Variants in FLACC1 observed in about 807,000 individuals in gnomAD.
The protein encoded by FLACC1 is flagellum-associated coiled-coil domain-containing protein 1.
A neutral mutation model predicts 62.8 loss-of-function variants in FLACC1; 66 were observed. The observed-to-expected ratio is 1.05, with a 90% CI of 0.86 to 1.29. The LOEUF (loss-of-function observed/expected upper bound fraction) is 1.29, where lower values mean the gene tolerates loss of function less well. Ranked by LOEUF, FLACC1 falls within the 50% of genes most tolerant of loss-of-function variation. The pLI, the probability that FLACC1 is intolerant of heterozygous loss-of-function variation, is 0.00. For missense variants in FLACC1, 452 were observed against 489.1 expected (o/e 0.92, Z 0.71); for synonymous variants, 156 against 161.0 (o/e 0.97, Z 0.24).
intron 11 of FLACC1, among the ~76,000 whole-genome samples, chr2:201,304,411 A>G (rs1315737272): frequency 1.3e-5 from 2 of 152,156 alleles, no homozygotes; most frequent in Non-Finnish European, 1.5e-5. Flanking sequence ...ACTACAAATC[A>G]CTGCTCAACG....
At chr2:201,358,494 G>A (rs1951152454), upstream of FLACC1, among the ~76,000 whole-genome samples, 1 of 145,532 alleles carries the variant, frequency 6.9e-6, no homozygotes, top group South Asian at 2.2e-4. Flanking sequence ...TCGGCTCACT[G>A]CAAGCTCCGC....
chr2:201,294,755 T>C (rs928585261), intron 12 of FLACC1, among the ~76,000 whole-genome samples: 1 of 152,190 alleles, frequency 6.6e-6, no homozygotes, highest in Non-Finnish European at 1.5e-5. Context: ...GATGACATGA[T>C]TGTATATCTA....
chr2:201,360,076 G>T (rs371061644), upstream of FLACC1, among the ~76,000 whole-genome samples: 50 of 152,318 alleles, frequency 3.3e-4, no homozygotes, highest in African/African-American at 1.1e-3. Flanking sequence ...TACTACTTGG[G>T]TATCCCCATT....
At chr2:201,347,111 G>C (rs980407950) in intron 4 of FLACC1, among the ~76,000 whole-genome samples, 1 of 152,130 alleles carries the variant, frequency 6.6e-6, no homozygotes, top group African/African-American at 2.4e-5. Flanking sequence ...TTCTCAAAGG[G>C]CTTTTGTGAG....
In FLACC1 at chr2:201,301,799, G is replaced by T. The variant is rs1390345049; in HGVS notation, c.880-2499C>A. Among the ~76,000 whole-genome samples the T allele has an allele frequency of 2.6e-5, 4 of 152,174 alleles. No individual in the cohort carries two copies. In the South Asian group the frequency reaches 6.2e-4, roughly 24 times the overall value. ...CAATATTCAACATTCTTAAAGAAAA[G>T]AATTTTCAACCCAGGATTTCATATC... On this transcript the variant is annotated intron_variant, in intron 11 of 14. Transcript: ENST00000392257.
At chr2:201,339,268 CTT>C (rs1324845084) in intron 7 of FLACC1, among the ~76,000 whole-genome samples, 1 of 151,946 alleles carries the variant, frequency 6.6e-6, no homozygotes, top group African/African-American at 2.4e-5. Context: ...TGTAATGTCT[CTT>C]TTTTCATTTC....
chr2:201,330,627 A>G lies in FLACC1; in HGVS notation c.623-105T>C. On this transcript the variant is annotated intron_variant, in intron 8 of 14. Coordinates refer to ENST00000392257, the MANE Select transcript of FLACC1 (RefSeq NM_001127391.3). Reference sequence around the variant, plus strand: ...ACACCTTCCCCACCCCAAACTCATCACCAAGGTAGTAAAACCTTTGTGTGC... The same window carrying G: ...ACACCTTCCCCACCCCAAACTCATCGCCAAGGTAGTAAAACCTTTGTGTGC... The G allele has an allele frequency of 3.9e-6, 6 of 1,523,352 alleles. No individual in the cohort carries two copies. In the South Asian group the frequency reaches 4.7e-5, roughly 12 times the overall value. The allele number at this position is 1,523,352 out of a possible 1,614,324, so 94.4% of individuals were successfully genotyped here. A position where few individuals can be genotyped will look rare whatever the true frequency, so the allele number is the denominator to read the frequency against.
chr2:201,313,980 G>A (rs1267319929), intron 9 of FLACC1, among the ~76,000 whole-genome samples: 1 of 152,112 alleles, frequency 6.6e-6, no homozygotes, highest in East Asian at 1.9e-4. Flanking sequence ...CTACAGCTTG[G>A]GCTCTCAGGA....
chr2:201,322,263 CA>C (rs1246045467), intron 9 of FLACC1, among the ~76,000 whole-genome samples: 7 of 142,100 alleles, frequency 4.9e-5, no homozygotes, highest in Admixed American at 1.5e-4. Context: ...GATTCAGCCT[CA>C]AAAAAAAAAA....
chr2:201,309,654 A>G (rs2125563772), intron 9 of FLACC1, among the ~76,000 whole-genome samples: 1 of 152,162 alleles, frequency 6.6e-6, no homozygotes, highest in Non-Finnish European at 1.5e-5. Flanking sequence ...CACACCTGTA[A>G]TCCCAGCACT....
chr2:201,323,918 A>C (rs1950455504), intron 9 of FLACC1, among the ~76,000 whole-genome samples: 1 of 152,206 alleles, frequency 6.6e-6, no homozygotes, highest in Middle Eastern at 3.4e-3. Context: ...CTTAAAACTC[A>C]TGAAGTCTAT....
chr2:201,347,907 T>G (rs1201283897), intron 4 of FLACC1, among the ~76,000 whole-genome samples: 1 of 152,178 alleles, frequency 6.6e-6, no homozygotes, highest in African/African-American at 2.4e-5. Flanking sequence ...TCTCCCCAGC[T>G]TTCGTTAGTT....
At position 201,340,996 on chromosome 2, in the gene FLACC1, G is replaced by A. The variant is rs544455474; in HGVS notation, c.524+1374C>T. ...GTATTGGCACTCCTTTGTATGTGAC[G>A]TGTTTCTTACCTTCTGATGCTCTCA... On this transcript the variant is annotated intron_variant, in intron 7 of 14. Coordinates refer to ENST00000392257, the MANE Select transcript of FLACC1 (RefSeq NM_001127391.3). Among the ~76,000 whole-genome samples, 20 of 152,216 alleles carry A rather than the reference G, an allele frequency of 1.3e-4. 1 individual carries two copies. Among genetic ancestry groups the A allele is most frequent in the South Asian group, 1.0e-3 (5 of 4,826 alleles).
Position 201,350,726 on chromosome 2 carries a change from G to A in FLACC1, c.170C>T (p.Pro57Leu), listed in dbSNP as rs368063735. The change falls in exon 3 of 15, where the codon CCT becomes CTT. Residue 57 changes from proline (P) to leucine (L), a missense_variant. By Grantham distance (98) the Pro-to-Leu change is moderately conservative (BLOSUM62 -3). This residue lies in a region of FLACC1 where 147 missense variants were observed against 152.7 expected (regional missense o/e 0.96). Coordinates refer to ENST00000392257, the MANE Select transcript of FLACC1 (RefSeq NM_001127391.3). ...KNHNYLQPTK[P>L]VVSPKMKIHS... is the part of the protein sequence containing the mutation. ...CAATACTTACTTTGGGGAAACAACA[G>A]GTTTTGTTGGTTGGAGGTAATTGTG... 2 of 1,586,080 alleles carry A rather than the reference G, an allele frequency of 1.3e-6. No homozygotes were observed. Among genetic ancestry groups the A allele is most frequent in the Non-Finnish European group, 1.7e-6 (2 of 1,166,470 alleles).
At chr2:201,325,027 G>A (rs1950476615) in intron 9 of FLACC1, among the ~76,000 whole-genome samples, 1 of 152,134 alleles carries the variant, frequency 6.6e-6, no homozygotes, top group Non-Finnish European at 1.5e-5. Context: ...TCAGCTACTT[G>A]GGAGGCTGAG....
intron 12 of FLACC1, among the ~76,000 whole-genome samples, chr2:201,296,694 G>A (rs1949872365): frequency 6.6e-6 from 1 of 152,040 alleles, no homozygotes; most frequent in South Asian, 2.1e-4. Context: ...TTCTGTTTGA[G>A]GACCCAAAGG....
In FLACC1 at chr2:201,305,692, C is replaced by G. The variant is rs567701939; in HGVS notation, c.879+1827G>C. The stretch of plus-strand genomic sequence containing the variant: ...AAGACTTGGAACCAACCAAAATGTC[C>G]ATCAATGATAGACTGGATTAAGAAA... On this transcript the variant is annotated intron_variant, in intron 11 of 14. Coordinates refer to ENST00000392257, the MANE Select transcript of FLACC1 (RefSeq NM_001127391.3). Among the ~76,000 whole-genome samples, 816 of 152,258 alleles carry G rather than the reference C, an allele frequency of 5.4e-3. 9 individuals are homozygous for G. The highest frequency in any genetic ancestry group is 0.018 in the African/African-American group (752 of 41,530).
intron 7 of FLACC1, among the ~76,000 whole-genome samples, chr2:201,339,045 G>A (rs544965033): frequency 2.7e-5 from 4 of 150,750 alleles, no homozygotes; most frequent in Admixed American, 2.0e-4. Context: ...ATTTGGTCCT[G>A]GGCTTTTCTT....
chr2:201,288,591 G>T lies in FLACC1; in HGVS notation c.*64C>A. On this transcript the variant is annotated 3_prime_UTR_variant, in exon 15 of 15. Transcript: ENST00000392257. ...CATTTTCTCAAGAAAACCCTCCCAG[G>T]AGTTTCCTGGGCCTACAGAAATGGT... The T allele has an allele frequency of 6.4e-7, 1 of 1,574,260 alleles. No individual in the cohort carries two copies.
Sources: gnomAD v4.1 joint callset for allele counts (sites outside exome capture counted in the v4.1 genomes callset) on GRCh38, gnomAD v4.1.1 for gene constraint, gnomAD v4.1.1 regional missense constraint, MANE v1.5 for transcripts, NCBI Gene and HGNC (gene_info 2026-07-23, HGNC 2026-07-21) for gene names.